The following PRDM16 variants were observed in gnomAD, a reference collection of about 807,000 sequenced individuals.
PRDM16 encodes PR/SET domain 16.
Under a neutral mutation model 110.6 loss-of-function variants are expected in PRDM16, and 23 were observed. The ratio of observed to expected loss-of-function variants is 0.21; its 90% CI spans 0.15 to 0.29. PRDM16 has a LOEUF of 0.29. Ranked by LOEUF, PRDM16 falls within the 10% of genes least tolerant of loss-of-function variation. The pLI is 1.00. For synonymous variants in PRDM16, 799 were observed against 781.8 expected (o/e 1.02, Z -0.37); for missense variants, 1,615 against 1,794.3 (o/e 0.90, Z 1.81).
intron 15 of PRDM16, among the ~76,000 whole-genome samples, chr1:3,431,382 G>A (rs1638764954): frequency 1.3e-5 from 2 of 150,496 alleles, no homozygotes; most frequent in Admixed American, 1.3e-4. Context: ...GAGCAGACAT[G>A]GAGGCCCCCG....
chr1:3,376,346 C>T (rs114716028), intron 3 of PRDM16, among the ~76,000 whole-genome samples: 3,579 of 152,310 alleles, frequency 0.023, 128 homozygotes, highest in African/African-American at 0.078. Context: ...GACACAAAAG[C>T]AGAGCCCCCC....
chr1:3,101,322 C>A (rs1642528688), intron 1 of PRDM16, among the ~76,000 whole-genome samples: 1 of 152,218 alleles, frequency 6.6e-6, no homozygotes, highest in Non-Finnish European at 1.5e-5. Flanking sequence ...AGTGCATTGT[C>A]TAGGGGAGAT....
At chr1:3,365,941 AACGCACACGCATGCACACATGCACACAC>A (rs1456044492) in intron 3 of PRDM16, among the ~76,000 whole-genome samples, 2 of 89,728 alleles carry the variant, frequency 2.2e-5, no homozygotes, top group African/African-American at 7.4e-5. Flanking sequence ...CATGCACACA[AACGCACACGCATGCACACATGCACACAC>A]ACGCACACAC....
At chr1:3,107,033 G>T (rs1285141246) in intron 1 of PRDM16, among the ~76,000 whole-genome samples, 1 of 152,238 alleles carries the variant, frequency 6.6e-6, no homozygotes, top group Non-Finnish European at 1.5e-5. Flanking sequence ...CTAGGGCCAG[G>T]TGTCATGGGC....
Position 3,404,071 on chromosome 1 carries a change from C to T in PRDM16, c.885-668C>T, listed in dbSNP as rs76097619. Reference sequence around the variant, plus strand: ...AGTCTCCTGATGCTCGGGAACCAGGCGTTTCTGATCTGAATGGATGGCTGG... The same window carrying T: ...AGTCTCCTGATGCTCGGGAACCAGGTGTTTCTGATCTGAATGGATGGCTGG... On this transcript the variant is annotated intron_variant, in intron 6 of 16. Coordinates refer to ENST00000270722, the MANE Select transcript of PRDM16 (RefSeq NM_022114.4). Among the ~76,000 whole-genome samples, 7 of 152,290 alleles carry T rather than the reference C, an allele frequency of 4.6e-5. No individual in the cohort carries two copies. In the East Asian group the frequency reaches 5.8e-4, roughly 13 times the overall value.
At chr1:3,427,851 A>T (rs1384284028) in intron 14 of PRDM16, among the ~76,000 whole-genome samples, 1 of 152,116 alleles carries the variant, frequency 6.6e-6, no homozygotes, top group Non-Finnish European at 1.5e-5. Context: ...GGCATTCCCC[A>T]GTGGGCTCCA....
intron 1 of PRDM16, among the ~76,000 whole-genome samples, chr1:3,154,450 C>T (rs1472594254): frequency 6.6e-6 from 1 of 152,178 alleles, no homozygotes; most frequent in African/African-American, 2.4e-5. Flanking sequence ...GTTGTCAGGA[C>T]GGCCAAGGGC....
At chr1:3,136,295 C>T (rs1011145745) in intron 1 of PRDM16, among the ~76,000 whole-genome samples, 7 of 152,194 alleles carry the variant, frequency 4.6e-5, no homozygotes, top group East Asian at 1.9e-4. Flanking sequence ...GGGGTCTCGG[C>T]GAGGCACGCC....
chr1:3,357,762 G>C (rs1453548761), intron 3 of PRDM16, among the ~76,000 whole-genome samples: 3 of 152,222 alleles, frequency 2.0e-5, no homozygotes, highest in Non-Finnish European at 4.4e-5. Context: ...GGGGACACTG[G>C]CAACACCTGG....
At chr1:3,110,979 G>A (rs1194772687) in intron 1 of PRDM16, among the ~76,000 whole-genome samples, 1 of 152,228 alleles carries the variant, frequency 6.6e-6, no homozygotes, top group African/African-American at 2.4e-5. Flanking sequence ...GACGGCAGGG[G>A]AGCCATTGCC....
chr1:3,346,865 T>C (rs56058891), intron 3 of PRDM16, among the ~76,000 whole-genome samples: 5,043 of 152,308 alleles, frequency 0.033, 275 homozygotes, highest in African/African-American at 0.12. Context: ...AAGTGGCTCC[T>C]GAGCAGTTCC....
In PRDM16 at chr1:3,130,965, G is replaced by A. The variant is rs182305024; in HGVS notation, c.38-55160G>A. Among the ~76,000 whole-genome samples, 15 of 152,222 alleles carry A rather than the reference G, an allele frequency of 9.9e-5. 1 individual carries two copies. In the East Asian group the frequency reaches 2.9e-3, roughly 30 times the overall value. On this transcript the variant is annotated intron_variant, in intron 1 of 16. Transcript: ENST00000270722. ...GTGTGTTCCAGCACCTTCTGAGTTT[G>A]TGGGGTGGAGGAGAACCTGACCCGT...
At chr1:3,293,774 G>A (rs988179223) in intron 3 of PRDM16, among the ~76,000 whole-genome samples, 3 of 152,030 alleles carry the variant, frequency 2.0e-5, no homozygotes, top group African/African-American at 4.8e-5. Flanking sequence ...CAGGGGTCCG[G>A]GAGTCGGCAG....
Position 3,265,618 on chromosome 1 carries a change from C to T in PRDM16, c.438+21481C>T, listed in dbSNP as rs1461367270. ...AGGGAGAAGCAGACCGCAGAGGCCCCTCTTGGGTCTGGGAGCTCCTAAAAT... is the reference window on the plus strand; with the variant it reads ...AGGGAGAAGCAGACCGCAGAGGCCCTTCTTGGGTCTGGGAGCTCCTAAAAT... On this transcript the variant is annotated intron_variant, in intron 3 of 16. Transcript: ENST00000270722. This position sits in a 1 kb window ranked among gnomAD's most constrained non-coding sequence, Gnocchi z 4.5. Among the ~76,000 whole-genome samples the T allele has an allele frequency of 6.6e-6, 1 of 152,024 alleles. No homozygotes were observed. Among genetic ancestry groups the T allele is most frequent in the Admixed American group, 6.6e-5 (1 of 15,266 alleles).
rs1643716308 is a variant in PRDM16 at position 3,148,333 on chromosome 1, T to C, written c.38-37792T>C. On this transcript the variant is annotated intron_variant, in intron 1 of 16. Coordinates refer to ENST00000270722, the MANE Select transcript of PRDM16 (RefSeq NM_022114.4). The surrounding 1 kb of genome is among the most constrained non-coding windows in gnomAD (Gnocchi z 5.0). ...GCCGCCCAGGGGTTTACTCTAGGGG[T>C]GTCCCTCACCAGGCAGCCCTGCAAA... Among the ~76,000 whole-genome samples, 1 of 151,842 alleles carries C rather than the reference T, an allele frequency of 6.6e-6. No homozygotes were observed. Among genetic ancestry groups the C allele is most frequent in the Non-Finnish European group, 1.5e-5 (1 of 67,942 alleles).
At chr1:3,179,900 T>C (rs900915668) in intron 1 of PRDM16, among the ~76,000 whole-genome samples, 2 of 152,062 alleles carry the variant, frequency 1.3e-5, no homozygotes, top group Admixed American at 1.3e-4. Flanking sequence ...TCCCTGTTCC[T>C]ATCACGGTGG....
At chr1:3,321,787 T>C (rs933014971) in intron 3 of PRDM16, among the ~76,000 whole-genome samples, 5 of 149,090 alleles carry the variant, frequency 3.4e-5, no homozygotes, top group African/African-American at 1.2e-4. Flanking sequence ...GTGTGTGCTG[T>C]GCAAGTGTGC....
intron 3 of PRDM16, among the ~76,000 whole-genome samples, chr1:3,301,536 C>T (rs1011567379): frequency 3.3e-5 from 5 of 152,254 alleles, no homozygotes; most frequent in East Asian, 1.9e-4. Flanking sequence ...GAAGACGTCT[C>T]GGTGACCCAG....
At chr1:3,310,652 C>A (rs1235777579) in intron 3 of PRDM16, among the ~76,000 whole-genome samples, 1 of 152,232 alleles carries the variant, frequency 6.6e-6, no homozygotes, top group Non-Finnish European at 1.5e-5. Context: ...ACCAGGGCCT[C>A]CTCTGGCCTC....
Sources: gnomAD v4.1 joint callset for allele counts (sites outside exome capture counted in the v4.1 genomes callset) on GRCh38, gnomAD v4.1.1 for gene constraint, Gnocchi (gnomAD v3.1) non-coding constraint, MANE v1.5 for transcripts, NCBI Gene and HGNC (gene_info 2026-07-23, HGNC 2026-07-21) for gene names.